The following PTPRD variants were observed in gnomAD, a reference collection of about 807,000 sequenced individuals.
PTPRD encodes protein tyrosine phosphatase receptor type D, also known as receptor-type tyrosine-protein phosphatase delta.
PTPRD carries 34 observed loss-of-function variants against 214.5 expected under a neutral mutation model. That is an observed-to-expected ratio of 0.16 (90% CI 0.12 to 0.21). The LOEUF (loss-of-function observed/expected upper bound fraction) is 0.21, where lower values mean the gene tolerates loss of function less well. PTPRD is among the 10% of genes least tolerant of loss of function. The pLI, the probability that PTPRD is intolerant of heterozygous loss-of-function variation, is 1.00. For synonymous variants in PTPRD, 1,128 were observed against 845.7 expected (o/e 1.33, Z -5.79); for missense variants, 2,545 against 2,398.7 (o/e 1.06, Z -1.27).
At position 9,967,745 on chromosome 9, in the gene PTPRD, T is replaced by C. The variant is rs1053973665; in HGVS notation, c.-471-29135A>G. Among the ~76,000 whole-genome samples, 3 of 152,160 alleles carry C rather than the reference T, an allele frequency of 2.0e-5. No homozygotes were observed. The South Asian group carries it at 6.2e-4, about 31-fold the overall frequency. ...GTGCTTTCGCTTTTTTATTTCAAAA[T>C]CTTTAAGAACTATTGATATAGACAT... On this transcript the variant is annotated intron_variant, in intron 4 of 45. Coordinates refer to ENST00000381196, the MANE Select transcript of PTPRD (RefSeq NM_002839.4).
At chr9:9,150,468 A>G (rs184993434) in intron 10 of PTPRD, among the ~76,000 whole-genome samples, 330 of 147,784 alleles carry the variant, frequency 2.2e-3, no homozygotes, top group African/African-American at 7.5e-3. Context: ...TATTATATAT[A>G]TAATATATAC....
intron 2 of PTPRD, among the ~76,000 whole-genome samples, chr9:10,515,407 G>A (rs1464771796): frequency 7.0e-6 from 1 of 141,968 alleles, no homozygotes; most frequent in Non-Finnish European, 1.6e-5. Flanking sequence ...TACCATAAAA[G>A]GGCAACGCCA....
At chr9:8,348,749 G>C (rs2074564680) in intron 39 of PTPRD, among the ~76,000 whole-genome samples, 1 of 152,186 alleles carries the variant, frequency 6.6e-6, no homozygotes, top group Admixed American at 6.6e-5. Context: ...CTGGGCGTTT[G>C]TGACGCTGGA....
intron 30 of PTPRD, among the ~76,000 whole-genome samples, chr9:8,478,206 T>C (rs1324224450): frequency 6.6e-6 from 1 of 152,204 alleles, no homozygotes; most frequent in Admixed American, 6.5e-5. Flanking sequence ...ATATCCTCAG[T>C]AAATTGCAAA....
intron 14 of PTPRD, among the ~76,000 whole-genome samples, chr9:8,533,876 A>C (rs952457394): frequency 1.3e-5 from 2 of 152,022 alleles, no homozygotes; most frequent in African/African-American, 4.8e-5. Flanking sequence ...AATGTCATTC[A>C]TTGAAATACC....
At chr9:10,508,770 A>C (rs2046963447) in intron 2 of PTPRD, among the ~76,000 whole-genome samples, 1 of 152,070 alleles carries the variant, frequency 6.6e-6, no homozygotes, top group African/African-American at 2.4e-5. Flanking sequence ...CAGGAAGGGG[A>C]ACATCACACA....
In PTPRD at chr9:8,834,342, C is replaced by G. The variant is rs944126541; in HGVS notation, c.-103-100396G>C. Among the ~76,000 whole-genome samples, 44 of 151,982 alleles carry G rather than the reference C, an allele frequency of 2.9e-4. 2 individuals are homozygous for G. The highest frequency in any genetic ancestry group is 1.2e-4 in the Non-Finnish European group (8 of 67,958). ...CATATATCATATGAAGTGTAAAAAT[C>G]TGATGATTCACATGATAGTGTTTCT... On this transcript the variant is annotated intron_variant, in intron 11 of 45. Coordinates refer to ENST00000381196, the MANE Select transcript of PTPRD (RefSeq NM_002839.4).
At position 8,654,909 on chromosome 9, in the gene PTPRD, T is replaced by C. The variant is rs567812207; in HGVS notation, c.65-18065A>G. On this transcript the variant is annotated intron_variant, in intron 12 of 45. Coordinates refer to ENST00000381196, the MANE Select transcript of PTPRD (RefSeq NM_002839.4). The stretch of plus-strand genomic sequence containing the variant: ...AATATGTGATATTATTAGCTCTTTT[T>C]TTCTGTTAGACTTTCCCTGTAGCAT... Among the ~76,000 whole-genome samples, 80 of 152,292 alleles carry C rather than the reference T, an allele frequency of 5.3e-4. No individual in the cohort carries two copies. In the South Asian group the frequency reaches 0.016, roughly 31 times the overall value.
intron 11 of PTPRD, among the ~76,000 whole-genome samples, chr9:8,808,514 A>G (rs2096734531): frequency 7.4e-6 from 1 of 135,978 alleles, no homozygotes; most frequent in African/African-American, 2.8e-5. Flanking sequence ...CAGAAAGAAT[A>G]TGACTTACGT....
chr9:9,854,059 A>T (rs1480582172), intron 5 of PTPRD, among the ~76,000 whole-genome samples: 1 of 152,290 alleles, frequency 6.6e-6, no homozygotes, highest in South Asian at 2.1e-4. Flanking sequence ...CATTAACTCT[A>T]TTCATCACAC....
Position 9,737,495 on chromosome 9 carries a change from C to A in PTPRD, c.-325-2924G>T, listed in dbSNP as rs187542475. On this transcript the variant is annotated intron_variant, in intron 6 of 45. Coordinates refer to ENST00000381196, the MANE Select transcript of PTPRD (RefSeq NM_002839.4). Reference sequence around the variant, plus strand: ...AACCCTATATAGTACCTATTAGCAGCCAATATCTGATTCTCTTGTATCTTC... The same window carrying A: ...AACCCTATATAGTACCTATTAGCAGACAATATCTGATTCTCTTGTATCTTC... 2.8e-3 allele frequency among the ~76,000 whole-genome samples: 422 copies of A among 152,248 alleles called. 1 individual carries two copies. The highest frequency in any genetic ancestry group is 9.5e-3 in the African/African-American group (394 of 41,536).
intron 11 of PTPRD, among the ~76,000 whole-genome samples, chr9:8,763,383 T>C (rs2094522868): frequency 6.6e-6 from 1 of 151,842 alleles, no homozygotes; most frequent in South Asian, 2.1e-4. Context: ...GTATGGTGGC[T>C]CATGCCTGTA....
rs2082922046 is a variant in PTPRD at position 9,431,121 on chromosome 9, A to G, written c.-236-33639T>C. ...TACCATCAGAGTGAACAGGCAACCT[A>G]CAGAATGGGAGAAAATGTTTGCAAT... On this transcript the variant is annotated intron_variant, in intron 8 of 45. Coordinates refer to ENST00000381196, the MANE Select transcript of PTPRD (RefSeq NM_002839.4). 2.6e-5 allele frequency among the ~76,000 whole-genome samples: 4 copies of G among 152,244 alleles called. No individual in the cohort carries two copies. The South Asian group carries it at 8.3e-4, about 31-fold the overall frequency.
chr9:9,578,117 C>G (rs2089595735), intron 7 of PTPRD, among the ~76,000 whole-genome samples: 1 of 140,672 alleles, frequency 7.1e-6, no homozygotes, highest in African/African-American at 2.6e-5. Flanking sequence ...ATTTGAGGAA[C>G]AACCATTCAG....
At chr9:9,444,460 C>T (rs1457964210) in intron 8 of PTPRD, among the ~76,000 whole-genome samples, 1 of 152,104 alleles carries the variant, frequency 6.6e-6, no homozygotes, top group Non-Finnish European at 1.5e-5. Context: ...TGATATTGTG[C>T]CTAGCATGGC....
chr9:8,373,615 GTGTGTGTGTGTGTGT>G (rs2082195054), intron 39 of PTPRD, among the ~76,000 whole-genome samples: 5 of 31,350 alleles, frequency 1.6e-4, no homozygotes, highest in Non-Finnish European at 3.2e-4. Context: ...GGATGCGGGT[GTGTGTGTGTGTGTGT>G]GTGTGTGTGT....
intron 33 of PTPRD, 81 bp downstream of exon 33, chr9:8,460,330 C>T (rs757549403): frequency 2.6e-6 from 4 of 1,537,696 alleles, no homozygotes; most frequent in African/African-American, 1.4e-5. Context: ...AATCAACCAC[C>T]TAAGGACAGC....
At chr9:10,491,074 A>G in intron 2 of PTPRD, among the ~76,000 whole-genome samples, 1 of 152,198 alleles carries the variant, frequency 6.6e-6, no homozygotes, top group Non-Finnish European at 1.5e-5. Context: ...GAATGCAAAG[A>G]GTTGAACTGC....
chr9:9,157,082 T>C (rs1592599101), intron 10 of PTPRD, among the ~76,000 whole-genome samples: 1 of 152,208 alleles, frequency 6.6e-6, no homozygotes, highest in Non-Finnish European at 1.5e-5. Context: ...CATAAAGAAT[T>C]AGTGGCCGGA....
Sources: allele counts gnomAD v4.1 joint callset (sites outside exome capture counted in the v4.1 genomes callset), GRCh38; gene constraint gnomAD v4.1.1; transcripts MANE v1.5; gene names NCBI Gene and HGNC (gene_info 2026-07-23, HGNC 2026-07-21).